Variants in CD244 observed in about 807,000 individuals in gnomAD.
The protein encoded by CD244 is CD244 molecule.
Under a neutral mutation model 45.5 loss-of-function variants are expected in CD244, and 20 were observed. The ratio of observed to expected loss-of-function variants is 0.44; its 90% CI spans 0.31 to 0.64. CD244 has a LOEUF of 0.64. Ranked by LOEUF, CD244 falls within the 30% of genes least tolerant of loss-of-function variation. The probability of loss-of-function intolerance (pLI) is 0.08; values close to 1 mark genes in which losing one functional copy is unlikely to be tolerated. For synonymous variants in CD244, 185 were observed against 160.5 expected (o/e 1.15, Z -1.15); for missense variants, 407 against 426.9 (o/e 0.95, Z 0.41).
intron 1 of CD244, among the ~76,000 whole-genome samples, chr1:160,859,427 T>C (rs578117540): frequency 5.9e-5 from 9 of 152,218 alleles, no homozygotes; most frequent in South Asian, 2.1e-4. Context: ...ACATAAATAG[T>C]ACTCCTGTTA....
At position 160,831,151 on chromosome 1, in the gene CD244, G is replaced by A. The variant is rs1186056027; in HGVS notation, c.*196C>T. 2 of 525,796 alleles carry A rather than the reference G, an allele frequency of 3.8e-6. No homozygotes were observed. Among genetic ancestry groups the A allele is most frequent in the Non-Finnish European group, 3.4e-6 (1 of 293,118 alleles). The allele number at this position is 525,796 out of a possible 1,614,324, so 32.6% of individuals were successfully genotyped here. On this transcript the variant is annotated 3_prime_UTR_variant, in exon 9 of 9. Coordinates refer to ENST00000368034, the MANE Select transcript of CD244 (RefSeq NM_016382.4). ...CCATTCATGTCTGATCTGTAAATTG[G>A]AAGATATTATTTAACAGCCTTGCTC... is the stretch of plus-strand genomic sequence containing the variant.
intron 1 of CD244, among the ~76,000 whole-genome samples, chr1:160,854,550 TC>T (rs1670036655): frequency 7.6e-6 from 1 of 131,216 alleles, no homozygotes; most frequent in South Asian, 2.4e-4. Flanking sequence ...CCCCAGCTAT[TC>T]TTTTTTTTTT....
chr1:160,839,014 T>C lies in CD244; in HGVS notation c.691A>G (p.Ile231Val). Reference protein sequence around the residue: ...RFWPFLVIIVILSALFLGTLA... With the variant: ...RFWPFLVIIVVLSALFLGTLA... The stretch of plus-strand genomic sequence containing the variant: ...GTGCCAAGGAACAGTGCGCTTAGAA[T>C]CACGATGATCACCAAAAACGGCCAA... The change falls in exon 4 of 9, where the codon ATT (isoleucine) becomes GTT (valine). Residue 231 changes from isoleucine to valine, a missense_variant. Coordinates refer to ENST00000368034, the MANE Select transcript of CD244 (RefSeq NM_016382.4). 6.2e-7 allele frequency: 1 copy of C among 1,613,994 alleles called. No homozygotes were observed. Among genetic ancestry groups the C allele is most frequent in the Non-Finnish European group, 8.5e-7 (1 of 1,179,966 alleles).
intron 1 of CD244, among the ~76,000 whole-genome samples, chr1:160,856,005 C>T (rs980792425): frequency 7.2e-5 from 11 of 152,180 alleles, no homozygotes; most frequent in African/African-American, 2.7e-4. Flanking sequence ...GGAGAAGGAG[C>T]ACGGGAGGGT....
chr1:160,859,516 C>T (rs971964672), intron 1 of CD244, among the ~76,000 whole-genome samples: 3 of 152,140 alleles, frequency 2.0e-5, no homozygotes, highest in African/African-American at 7.2e-5. Context: ...GAAAAAGACA[C>T]AGTATCACTT....
intron 6 of CD244, 59 bp downstream of exon 6, chr1:160,836,136 G>C (rs551330983): frequency 6.4e-6 from 8 of 1,257,536 alleles, no homozygotes; most frequent in South Asian, 2.4e-5. Flanking sequence ...GAGTTTCAGG[G>C]GGGCATTAGG....
chr1:160,836,963 C>T (rs1669355980), intron 5 of CD244, among the ~76,000 whole-genome samples: 2 of 152,184 alleles, frequency 1.3e-5, no homozygotes, highest in South Asian at 4.1e-4. Flanking sequence ...TCCTTAGAGG[C>T]TGGGGAGTCA....
chr1:160,836,356 G>T, intron 5 of CD244, 102 bp from the exon 6 acceptor site: 1 of 838,334 alleles, frequency 1.2e-6, no homozygotes. Context: ...CTTTTCAGGA[G>T]ACTGGGAGGG....
chr1:160,852,215 G>A lies in CD244; in HGVS notation c.62-10314C>T, dbSNP rs1669943755. ...GTGCCCAACAACATTAGTTATCAGAGAATAATGAGATTTCACATTCCCACC... is the reference window on the plus strand; with the variant it reads ...GTGCCCAACAACATTAGTTATCAGAAAATAATGAGATTTCACATTCCCACC... On this transcript the variant is annotated intron_variant, in intron 1 of 8. Transcript: ENST00000368034. Among the ~76,000 whole-genome samples the A allele has an allele frequency of 2.0e-5, 3 of 152,320 alleles. No individual in the cohort carries two copies. The South Asian group carries it at 6.2e-4, about 32-fold the overall frequency.
chr1:160,846,938 G>A lies in CD244; in HGVS notation c.62-5037C>T, dbSNP rs185755051. On this transcript the variant is annotated intron_variant, in intron 1 of 8. Transcript: ENST00000368034. The stretch of plus-strand genomic sequence containing the variant: ...ATCAATTCAAACTATATTGTTGGAG[G>A]TATTCATTGTAATACCTGTGGTAAC... 1.4e-3 allele frequency among the ~76,000 whole-genome samples: 207 copies of A among 152,092 alleles called. 1 individual carries two copies. The highest frequency in any genetic ancestry group is 4.7e-3 in the African/African-American group (197 of 41,498).
intron 6 of CD244, 69 bp from the exon 7 acceptor site, chr1:160,834,185 T>C (rs1033067841): frequency 1.7e-6 from 2 of 1,155,640 alleles, no homozygotes; most frequent in African/African-American, 3.0e-5. Context: ...GGTTATCTCT[T>C]CCGTTTCTCC....
In CD244 at chr1:160,862,766, G is replaced by A. The variant is rs998038362; in HGVS notation, c.-89C>T. ...CTCAGCAGTCCCCAGTCAGCAAGAGGACGATGGGGAGCAGAACTGCCTTGC... is the reference window on the plus strand; with the variant it reads ...CTCAGCAGTCCCCAGTCAGCAAGAGAACGATGGGGAGCAGAACTGCCTTGC... On this transcript the variant is annotated 5_prime_UTR_variant, in exon 1 of 9. Transcript: ENST00000368034. 3.4e-6 allele frequency: 4 copies of A among 1,182,836 alleles called. No individual in the cohort carries two copies. The highest frequency in any genetic ancestry group is 2.6e-5 in the South Asian group (2 of 75,670). 73.3% of individuals were successfully genotyped at this position (1,182,836 alleles called of 1,614,324 possible). A position where few individuals can be genotyped will look rare whatever the true frequency, so the allele number is the denominator to read the frequency against.
intron 5 of CD244, among the ~76,000 whole-genome samples, chr1:160,837,092 C>T (rs922155393): frequency 6.6e-6 from 1 of 152,174 alleles, no homozygotes; most frequent in Non-Finnish European, 1.5e-5. Context: ...AGCTGGGTCT[C>T]AAAGTGAGAC....
At chr1:160,832,487 A>T (rs780700183) in intron 8 of CD244, 32 bp downstream of exon 8, 13 of 1,382,382 alleles carry the variant, frequency 9.4e-6, no homozygotes, top group Non-Finnish European at 1.2e-5. Context: ...TGCAACAGAC[A>T]GTAAACCCAT....
Position 160,862,716 on chromosome 1 carries a change from C to G in CD244, c.-39G>C. ...AGGGGCCAGGCCAGCCCCTCCACCC[C>G]ACCAGACTCTCTGCCGTGCACGGGC... is the stretch of plus-strand genomic sequence containing the variant. On this transcript the variant is annotated 5_prime_UTR_variant, in exon 1 of 9. Transcript: ENST00000368034. The G allele has an allele frequency of 6.3e-7, 1 of 1,598,128 alleles. No homozygotes were observed. The highest frequency in any genetic ancestry group is 8.6e-7 in the Non-Finnish European group (1 of 1,167,060).
Position 160,836,545 on chromosome 1 carries a change from C to T in CD244, c.835-291G>A, listed in dbSNP as rs1039419884. ...TCTTTCCTTTAGTAACTTAGAAACC[C>T]TTCCTTGCAGAGCTCTGAGTAGGGC... On this transcript the variant is annotated intron_variant, in intron 5 of 8. Coordinates refer to ENST00000368034, the MANE Select transcript of CD244 (RefSeq NM_016382.4). Among the ~76,000 whole-genome samples, 4 of 152,156 alleles carry T rather than the reference C, an allele frequency of 2.6e-5. No individual in the cohort carries two copies. In the East Asian group the frequency reaches 7.7e-4, roughly 29 times the overall value.
chr1:160,841,188 T>C (rs368990581), intron 3 of CD244, 22 bp downstream of exon 3: 2 of 1,612,810 alleles, frequency 1.2e-6, no homozygotes, highest in African/African-American at 2.7e-5. Flanking sequence ...GCGCTTGTTA[T>C]AGCCCAGTGT....
intron 1 of CD244, chr1:160,848,168 C>T: frequency 6.0e-6 from 3 of 498,582 alleles, no homozygotes; most frequent in Non-Finnish European, 1.2e-5. Context: ...CTCCTGCTCT[C>T]ACAGGATTAT....
chr1:160,836,128 G>A, intron 6 of CD244, 67 bp downstream of exon 6: 1 of 1,193,882 alleles, frequency 8.4e-7, no homozygotes. Context: ...AATGGTGTGA[G>A]TTTCAGGGGG....
Sources: allele counts gnomAD v4.1 joint callset (sites outside exome capture counted in the v4.1 genomes callset), GRCh38; gene constraint gnomAD v4.1.1; transcripts MANE v1.5; gene names NCBI Gene and HGNC (gene_info 2026-07-23, HGNC 2026-07-21).